The following MYOF variants were observed in gnomAD, a reference collection of about 807,000 sequenced individuals.
MYOF encodes myoferlin, also known as fer-1-like 3, myoferlin.
Under a neutral mutation model 284.2 loss-of-function variants are expected in MYOF, and 244 were observed. The observed-to-expected ratio is 0.86, with a 90% confidence interval of 0.77 to 0.95. The LOEUF (loss-of-function observed/expected upper bound fraction) is 0.95. MYOF is among the 40% of genes least tolerant of loss of function. The pLI, the probability that MYOF is intolerant of heterozygous loss-of-function variation, is 0.00. For synonymous variants in MYOF, 904 were observed against 919.7 expected, an observed-to-expected ratio of 0.98 and a Z score of 0.31; for missense variants, 2,496 against 2,560.6, an observed-to-expected ratio of 0.97 and a Z score of 0.54.
Position 93,396,230 on chromosome 10 carries a change from T to TA in MYOF, c.1335-7dup, listed in dbSNP as rs1564681473. On this transcript the variant is annotated splice_polypyrimidine_tract_variant and splice_region_variant and intron_variant, in intron 15 of 53. Coordinates refer to ENST00000359263, the MANE Select transcript of MYOF (RefSeq NM_013451.4). ...CATTTTTAGTAAGACGGTCCCTGTG[T>TA]AAAAAATAAAAATAAAAAAATAAAA... The TA allele has an allele frequency of 2.6e-6, 4 of 1,561,996 alleles. No individual in the cohort carries two copies. The East Asian group carries it at 6.8e-5, about 27-fold the overall frequency.
At chr10:93,312,297 C>T (rs1842421938) in intron 51 of MYOF, among the ~76,000 whole-genome samples, 1 of 152,060 alleles carries the variant, frequency 6.6e-6, no homozygotes, top group African/African-American at 2.4e-5. Flanking sequence ...TTATGGCCTT[C>T]TTATTCAACT....
intron 1 of MYOF, among the ~76,000 whole-genome samples, chr10:93,461,791 T>C (rs1293641172): frequency 1.3e-5 from 2 of 152,178 alleles, no homozygotes; most frequent in African/African-American, 2.4e-5. Context: ...TTGGCTGATA[T>C]AAGTACTTAA....
intron 23 of MYOF, 66 bp downstream of exon 23, chr10:93,374,697 C>T (rs2133976895): frequency 6.7e-7 from 1 of 1,495,928 alleles, no homozygotes. Flanking sequence ...CCATCCTATT[C>T]TTGGTGCCAT....
In MYOF at chr10:93,347,644, TC is replaced by T; in HGVS notation, c.4221del (p.Glu1409ArgfsTer35). On this transcript the variant is annotated frameshift_variant, in exon 37 of 54. Transcript: ENST00000359263. LOFTEE classifies it high-confidence loss of function. ...TTGAGCTGTGGGACGATGTCCTCTTTCCCTGCATAAGGGTCACAGCGAAAGC... is the reference window on the plus strand; with the variant it reads ...TTGAGCTGTGGGACGATGTCCTCTTTCCTGCATAAGGGTCACAGCGAAAGC... ...LDRFRCDPYA[G>X]KEDIVPQLKA... 1 of 1,613,536 alleles carries T rather than the reference TC, an allele frequency of 6.2e-7. No individual in the cohort carries two copies. The highest frequency in any genetic ancestry group is 8.5e-7 in the Non-Finnish European group (1 of 1,179,844).
intron 46 of MYOF, among the ~76,000 whole-genome samples, chr10:93,325,203 T>C (rs1159287305): frequency 1.3e-5 from 2 of 152,238 alleles, no homozygotes; most frequent in East Asian, 3.8e-4. Flanking sequence ...ATCTTCATTA[T>C]AACAAGCTTC....
chr10:93,397,620 A>G (rs889841528), intron 13 of MYOF, among the ~76,000 whole-genome samples, 164 bp from the exon 14 acceptor site: 1 of 151,342 alleles, frequency 6.6e-6, no homozygotes, highest in African/African-American at 2.4e-5. Flanking sequence ...CATGGGTTTA[A>G]TATTAATCAT....
At chr10:93,361,849 T>G (rs1379805679) in intron 27 of MYOF, among the ~76,000 whole-genome samples, 1 of 152,240 alleles carries the variant, frequency 6.6e-6, no homozygotes, top group Non-Finnish European at 1.5e-5. Context: ...CAATTTCTTA[T>G]GGTTCAACTT....
chr10:93,313,211 C>A lies in MYOF; in HGVS notation c.5699-1G>T. On this transcript the variant is annotated splice_acceptor_variant, in intron 50 of 53. Transcript: ENST00000359263. LOFTEE classifies it high-confidence loss of function. ...TGACGCAAGTCAAGTTCTAGGAAAC[C>A]TAGCCAAGGAAACAACAGTAAGTCC... 1 of 1,611,744 alleles carries A rather than the reference C, an allele frequency of 6.2e-7. No homozygotes were observed. The highest frequency in any genetic ancestry group is 8.5e-7 in the Non-Finnish European group (1 of 1,178,828).
At chr10:93,373,768 T>C (rs541221113) in intron 23 of MYOF, among the ~76,000 whole-genome samples, 15 of 152,306 alleles carry the variant, frequency 9.8e-5, no homozygotes, top group East Asian at 9.7e-4. Context: ...GTCGTCTCCT[T>C]ACTTCCTCAT....
Position 93,463,015 on chromosome 10 carries a change from G to A in MYOF, c.89-6078C>T, listed in dbSNP as rs543955120. Among the ~76,000 whole-genome samples the A allele has an allele frequency of 3.9e-5, 6 of 152,210 alleles. No individual in the cohort carries two copies. The South Asian group carries it at 1.2e-3, about 32-fold the overall frequency. On this transcript the variant is annotated intron_variant, in intron 1 of 53. Coordinates refer to ENST00000359263, the MANE Select transcript of MYOF (RefSeq NM_013451.4). ...TCAGAACATAACAACTGACTCAAAT[G>A]CAGAGCACACTCTGAGTGTGCTCAA...
At chr10:93,469,744 G>A (rs1342622708) in intron 1 of MYOF, among the ~76,000 whole-genome samples, 1 of 152,164 alleles carries the variant, frequency 6.6e-6, no homozygotes, top group Non-Finnish European at 1.5e-5. Flanking sequence ...CCAAGACCAA[G>A]CACTCAGGGC....
intron 1 of MYOF, among the ~76,000 whole-genome samples, chr10:93,474,155 C>T (rs912132866): frequency 6.6e-6 from 1 of 152,112 alleles, no homozygotes; most frequent in Non-Finnish European, 1.5e-5. Context: ...TTATTAGTGC[C>T]TTCCTTCTGA....
At chr10:93,342,365 C>T (rs1047205716) in intron 38 of MYOF, among the ~76,000 whole-genome samples, 3 of 152,136 alleles carry the variant, frequency 2.0e-5, no homozygotes, top group Non-Finnish European at 2.9e-5. Context: ...TACAGATGTG[C>T]GATGTCTACT....
At position 93,467,273 on chromosome 10, in the gene MYOF, G is replaced by A. The variant is rs531790279; in HGVS notation, c.89-10336C>T. Among the ~76,000 whole-genome samples the A allele has an allele frequency of 3.6e-3, 538 of 150,742 alleles. 6 individuals carry two copies. The highest frequency in any genetic ancestry group is 8.0e-3 in the Admixed American group (121 of 15,110). ...GTTGGTGTGCTGCACCCATTAACTC[G>A]TCATTTAACATTAGGTATATCTCCT... On this transcript the variant is annotated intron_variant, in intron 1 of 53. Transcript: ENST00000359263.
At position 93,372,193 on chromosome 10, in the gene MYOF, A is replaced by C. The variant is rs572335098; in HGVS notation, c.2457+737T>G. The stretch of plus-strand genomic sequence containing the variant: ...CTCTGTCCCAAATGCAAAGAACTCC[A>C]GTTGGGGTTGGCCAGAGAGATGACG... On this transcript the variant is annotated intron_variant, in intron 24 of 53. Transcript: ENST00000359263. Among the ~76,000 whole-genome samples, 359 of 152,290 alleles carry C rather than the reference A, an allele frequency of 2.4e-3. 1 individual carries two copies. Among genetic ancestry groups the C allele is most frequent in the Middle Eastern group, 3.4e-3 (1 of 294 alleles).
At chr10:93,382,927 GCT>G (rs1564668987) in intron 19 of MYOF, among the ~76,000 whole-genome samples, 2 of 151,906 alleles carry the variant, frequency 1.3e-5, no homozygotes, top group African/African-American at 4.8e-5. Context: ...ACTGTGTCTC[GCT>G]CTGTCACCCT....
chr10:93,394,562 G>A (rs552132557), intron 16 of MYOF, among the ~76,000 whole-genome samples: 2 of 137,252 alleles, frequency 1.5e-5, no homozygotes, highest in South Asian at 2.5e-4. Flanking sequence ...CCTGGCTCAC[G>A]CCATTCTCCT....
At chr10:93,459,055 G>C (rs948478216) in intron 1 of MYOF, among the ~76,000 whole-genome samples, 2 of 152,214 alleles carry the variant, frequency 1.3e-5, no homozygotes, top group Admixed American at 1.3e-4. Flanking sequence ...CCCTTCCTAA[G>C]CTTCAGCGTG....
chr10:93,344,527 T>C (rs1445737818), intron 37 of MYOF, among the ~76,000 whole-genome samples: 1 of 151,986 alleles, frequency 6.6e-6, no homozygotes, highest in Non-Finnish European at 1.5e-5. Context: ...GAGTCTTCTT[T>C]TCTTGAAGTT....
Sources: allele counts gnomAD v4.1 joint callset (sites outside exome capture counted in the v4.1 genomes callset), GRCh38; gene constraint gnomAD v4.1.1; transcripts MANE v1.5; gene names NCBI Gene and HGNC (gene_info 2026-07-23, HGNC 2026-07-21).